Variants in LTBP1 observed in about 807,000 individuals in gnomAD.
LTBP1 encodes latent transforming growth factor beta binding protein 1.
Under a neutral mutation model 207.6 loss-of-function variants are expected in LTBP1, and 129 were observed. That is an observed-to-expected ratio of 0.62 (90% CI 0.54 to 0.72). The LOEUF (loss-of-function observed/expected upper bound fraction) is 0.72. Ranked by LOEUF, LTBP1 falls within the 30% of genes least tolerant of loss-of-function variation. The pLI is 0.00. For synonymous variants in LTBP1, 963 were observed against 833.7 expected (o/e 1.16, Z -2.67); for missense variants, 2,281 against 2,217.2 (o/e 1.03, Z -0.58).
At chr2:33,187,283 C>G (rs1403092719) in intron 6 of LTBP1, among the ~76,000 whole-genome samples, 2 of 152,192 alleles carry the variant, frequency 1.3e-5, no homozygotes, top group East Asian at 3.9e-4. Flanking sequence ...GAGTTAGTGT[C>G]TAGGAAATAA....
At chr2:33,129,881 A>G (rs950478725) in intron 4 of LTBP1, among the ~76,000 whole-genome samples, 17 of 152,158 alleles carry the variant, frequency 1.1e-4, no homozygotes, top group African/African-American at 3.9e-4. Flanking sequence ...TTACCTGTGG[A>G]ACTGCCCACA....
chr2:33,259,521 G>C, intron 12 of LTBP1, 67 bp from the exon 13 acceptor site: 1 of 1,121,206 alleles, frequency 8.9e-7, no homozygotes, highest in South Asian at 1.7e-5. Flanking sequence ...TGTTTTTTAA[G>C]AATTGAAATA....
At chr2:33,065,019 A>G (rs938200453) in intron 3 of LTBP1, among the ~76,000 whole-genome samples, 5 of 152,234 alleles carry the variant, frequency 3.3e-5, no homozygotes, top group Non-Finnish European at 4.4e-5. Context: ...ACCAATCAGT[A>G]TAATACATTA....
Position 33,347,363 on chromosome 2 carries a change from C to T in LTBP1, c.3857-4C>T. 6.2e-7 allele frequency: 1 copy of T among 1,614,088 alleles called. No homozygotes were observed. Among genetic ancestry groups the T allele is most frequent in the Non-Finnish European group, 8.5e-7 (1 of 1,180,004 alleles). Reference sequence around the variant, plus strand: ...TCTCACTTGGTCTGTGCTCCCTTTTCCAGATGTGAATGAATGTGAACTGCT... The same window carrying T: ...TCTCACTTGGTCTGTGCTCCCTTTTTCAGATGTGAATGAATGTGAACTGCT... On this transcript the variant is annotated splice_polypyrimidine_tract_variant and splice_region_variant and intron_variant, in intron 25 of 33. Coordinates refer to ENST00000404816, the MANE Select transcript of LTBP1 (RefSeq NM_206943.4).
At chr2:33,078,358 C>T (rs2078196254) in intron 3 of LTBP1, among the ~76,000 whole-genome samples, 1 of 152,146 alleles carries the variant, frequency 6.6e-6, no homozygotes, top group African/African-American at 2.4e-5. Flanking sequence ...AGCACAGGCC[C>T]ACAGTGCCAA....
chr2:33,188,341 A>C (rs1221933080), intron 6 of LTBP1, among the ~76,000 whole-genome samples: 1 of 148,724 alleles, frequency 6.7e-6, no homozygotes, highest in Non-Finnish European at 1.5e-5. Context: ...GAATCGCTTG[A>C]ACCTGGGATG....
At position 32,993,969 on chromosome 2, in the gene LTBP1, AGTGTGTGTGTGT is replaced by A. The variant is rs70938383; in HGVS notation, c.566-26911_566-26900del. Among the ~76,000 whole-genome samples the A allele has an allele frequency of 5.4e-4, 75 of 138,476 alleles. No individual in the cohort carries two copies. The South Asian group carries it at 0.012, about 22-fold the overall frequency. The allele number at this position is 138,476 out of a possible 152,430, so 90.8% of individuals were successfully genotyped here. On this transcript the variant is annotated intron_variant, in intron 2 of 33. Coordinates refer to ENST00000404816, the MANE Select transcript of LTBP1 (RefSeq NM_206943.4). ...CCAAAGAGGGGACTTCAGTTAGGGG[AGTGTGTGTGTGT>A]GTGTGTGTGTGTGTGTGTGTGTGTG...
chr2:33,050,861 G>A (rs918696935), intron 3 of LTBP1, among the ~76,000 whole-genome samples: 8 of 151,956 alleles, frequency 5.3e-5, no homozygotes, highest in African/African-American at 1.9e-4. Flanking sequence ...AGCCTCCTGA[G>A]TAGCTGGGAT....
chr2:33,111,277 C>T (rs969711052), intron 4 of LTBP1, among the ~76,000 whole-genome samples: 4 of 152,084 alleles, frequency 2.6e-5, no homozygotes, highest in African/African-American at 7.2e-5. Context: ...GTTAATATCT[C>T]GCTATGTGGG....
intron 5 of LTBP1, among the ~76,000 whole-genome samples, chr2:33,170,259 G>C (rs2085297870): frequency 6.6e-6 from 1 of 152,224 alleles, no homozygotes; most frequent in Admixed American, 6.5e-5. Flanking sequence ...GTCAAAGAAA[G>C]GGGTGACAGA....
chr2:33,215,511 G>A (rs764317116), intron 7 of LTBP1, among the ~76,000 whole-genome samples: 9 of 152,066 alleles, frequency 5.9e-5, no homozygotes, highest in Non-Finnish European at 1.2e-4. Flanking sequence ...TTTACAATTT[G>A]GATATGTAGT....
intron 2 of LTBP1, among the ~76,000 whole-genome samples, chr2:32,965,570 C>A (rs1033644600): frequency 6.6e-6 from 1 of 152,190 alleles, no homozygotes; most frequent in African/African-American, 2.4e-5. Flanking sequence ...TAGTTGAGAT[C>A]ATACTGTAGG....
Position 33,106,640 on chromosome 2 carries a change from G to A in LTBP1, c.864-3942G>A, listed in dbSNP as rs186309750. ...TTTTTTTTTTTTCCCTGAAAAGTAG[G>A]TCTTAACAGTAGGGTTAAAATATTT... On this transcript the variant is annotated intron_variant, in intron 3 of 33. Coordinates refer to ENST00000404816, the MANE Select transcript of LTBP1 (RefSeq NM_206943.4). 3.0e-3 allele frequency among the ~76,000 whole-genome samples: 457 copies of A among 151,862 alleles called. 3 individuals carry two copies. Among genetic ancestry groups the A allele is most frequent in the Non-Finnish European group, 4.1e-3 (280 of 67,968 alleles).
At chr2:33,202,755 G>A (rs2089457012) in intron 7 of LTBP1, among the ~76,000 whole-genome samples, 1 of 152,306 alleles carries the variant, frequency 6.6e-6, no homozygotes, top group East Asian at 1.9e-4. Context: ...CCTCCCCATC[G>A]CCTAAGGCCA....
In LTBP1 at chr2:32,949,225, C is replaced by G. The variant is rs1047898704; in HGVS notation, c.565+280C>G. Among the ~76,000 whole-genome samples, 5 of 152,160 alleles carry G rather than the reference C, an allele frequency of 3.3e-5. No individual in the cohort carries two copies. The East Asian group carries it at 5.8e-4, about 18-fold the overall frequency. ...TTCTGGCACATCTGTGAATCAGGAG[C>G]TAGGAAAAAAATTTCCATTTGAGGA... On this transcript the variant is annotated intron_variant, in intron 2 of 33. Coordinates refer to ENST00000404816, the MANE Select transcript of LTBP1 (RefSeq NM_206943.4).
chr2:32,971,735 A>C (rs1680913568), intron 2 of LTBP1, among the ~76,000 whole-genome samples: 1 of 152,078 alleles, frequency 6.6e-6, no homozygotes, highest in African/African-American at 2.4e-5. Context: ...TTCATCAAGG[A>C]TATTGGCCTG....
intron 32 of LTBP1, among the ~76,000 whole-genome samples, chr2:33,394,001 G>A (rs573723552): frequency 0.042 from 5,806 of 137,984 alleles, 308 homozygotes; most frequent in Non-Finnish European, 0.057. Context: ...GTGTGAGATG[G>A]TATCTCATTG....
At chr2:33,393,902 C>G (rs535412373) in intron 32 of LTBP1, among the ~76,000 whole-genome samples, 1 of 152,056 alleles carries the variant, frequency 6.6e-6, no homozygotes, top group Non-Finnish European at 1.5e-5. Flanking sequence ...GTTTACAGTC[C>G]CACCAACAGT....
At chr2:33,115,757 A>G (rs2080713113) in intron 4 of LTBP1, among the ~76,000 whole-genome samples, 1 of 152,190 alleles carries the variant, frequency 6.6e-6, no homozygotes, top group African/African-American at 2.4e-5. Context: ...GAAAATGGAA[A>G]TGACATAACA....
Sources: allele counts gnomAD v4.1 joint callset (sites outside exome capture counted in the v4.1 genomes callset), GRCh38; gene constraint gnomAD v4.1.1; transcripts MANE v1.5; gene names NCBI Gene and HGNC (gene_info 2026-07-23, HGNC 2026-07-21).